The following AP1M2 variants were observed in gnomAD, a reference collection of about 807,000 sequenced individuals.
The protein encoded by AP1M2 is adaptor related protein complex 1 subunit mu 2.
A neutral mutation model predicts 54.6 loss-of-function variants in AP1M2; 41 were observed. The observed-to-expected ratio is 0.75, with a 90% CI of 0.59 to 0.97. The LOEUF is 0.97. Among genes scored for constraint, AP1M2 ranks in the 50% least tolerant of loss-of-function variants. AP1M2 has a pLI of 0.00. For missense variants in AP1M2, 507 were observed against 561.2 expected (o/e 0.90, Z 0.98); for synonymous variants, 219 against 215.9 (o/e 1.01, Z -0.13).
intron 3 of AP1M2, 150 bp downstream of exon 3, chr19:10,583,456 A>C (rs1917527199): frequency 1.7e-6 from 1 of 581,262 alleles, no homozygotes; most frequent in South Asian, 2.7e-5. Context: ...GCAATATAGC[A>C]AGACCCCATC....
intron 3 of AP1M2, among the ~76,000 whole-genome samples, chr19:10,582,979 C>T (rs557350541): frequency 2.0e-4 from 31 of 151,748 alleles, no homozygotes; most frequent in Admixed American, 1.8e-3. Flanking sequence ...GCAGGTGCCA[C>T]CATACCCGGC....
intron 11 of AP1M2, 25 bp from the exon 12 acceptor site, chr19:10,573,113 C>T (rs1917111873): frequency 1.3e-6 from 2 of 1,557,754 alleles, no homozygotes; most frequent in Non-Finnish European, 1.7e-6. Context: ...TGAGGAGGGG[C>T]CATCTCAGAA....
At chr19:10,585,574 G>A (rs145414963) in intron 1 of AP1M2, among the ~76,000 whole-genome samples, 9 of 151,988 alleles carry the variant, frequency 5.9e-5, no homozygotes, top group East Asian at 1.9e-4. Context: ...GCGCATGACC[G>A]TAATCCCAGC....
Position 10,581,186 on chromosome 19 carries a change from G to T in AP1M2, c.673+80C>A. On this transcript the variant is annotated intron_variant, in intron 6 of 11. Coordinates refer to ENST00000250244, the MANE Select transcript of AP1M2 (RefSeq NM_005498.5). ...GAGCGCTTATTTCAAAACGGGCTGC[G>T]ATTCTCTTAAGTCCCCACGTGGGGC... The T allele has an allele frequency of 2.0e-6, 3 of 1,515,264 alleles. No individual in the cohort carries two copies. In the Admixed American group the frequency reaches 6.5e-5, roughly 33 times the overall value. The allele number at this position is 1,515,264 out of a possible 1,614,324, so 93.9% of individuals were successfully genotyped here. A position where few individuals can be genotyped will look rare whatever the true frequency, so the allele number is the denominator to read the frequency against.
intron 1 of AP1M2, among the ~76,000 whole-genome samples, chr19:10,584,318 C>T (rs1334098950): frequency 3.3e-5 from 5 of 152,196 alleles, no homozygotes; most frequent in Non-Finnish European, 7.3e-5. Flanking sequence ...CAGTGGCTCA[C>T]GCCTGTGATC....
At chr19:10,578,471 G>T (rs1246648148) in intron 8 of AP1M2, among the ~76,000 whole-genome samples, 1 of 148,658 alleles carries the variant, frequency 6.7e-6, no homozygotes, top group African/African-American at 2.5e-5. Flanking sequence ...GACAGAGGGA[G>T]ACTCTTTCTC....
chr19:10,576,824 A>C (rs1917250639), intron 9 of AP1M2, among the ~76,000 whole-genome samples: 1 of 151,056 alleles, frequency 6.6e-6, no homozygotes, highest in South Asian at 2.1e-4. Flanking sequence ...CTCCTGCCTC[A>C]GTGTCCCGAG....
At chr19:10,578,039 A>T (rs1460600381) in intron 8 of AP1M2, among the ~76,000 whole-genome samples, 1 of 152,074 alleles carries the variant, frequency 6.6e-6, no homozygotes, top group Non-Finnish European at 1.5e-5. Flanking sequence ...CCCAGCCTGA[A>T]GGGGTCATTT....
intron 11 of AP1M2, among the ~76,000 whole-genome samples, chr19:10,574,078 A>C (rs894475716): frequency 4.6e-5 from 7 of 152,136 alleles, no homozygotes; most frequent in Non-Finnish European, 7.3e-5. Flanking sequence ...GCAGGAGTGC[A>C]GTGGCACGAT....
At chr19:10,585,283 A>AAAGAAAGAAAGAAAGAAGGAAGG (rs1568434699) in intron 1 of AP1M2, among the ~76,000 whole-genome samples, 4 of 104,570 alleles carry the variant, frequency 3.8e-5, no homozygotes, top group Admixed American at 9.6e-5. Flanking sequence ...AAAGAAGAAA[A>AAAGAAAGAAAGAAAGAAGGAAGG]AAAGAAAGAA....
rs189810980 is a variant in AP1M2 at position 10,586,606 on chromosome 19, C to A, written c.42+584G>T. 6.6e-5 allele frequency among the ~76,000 whole-genome samples: 10 copies of A among 152,188 alleles called. No homozygotes were observed. In the East Asian group the frequency reaches 1.9e-3, roughly 29 times the overall value. ...AATTAGCCAGGCATGGTGGCCTGCA[C>A]CTGTGTAGTCACAGCTACTCCGGAG... On this transcript the variant is annotated intron_variant, in intron 1 of 11. Coordinates refer to ENST00000250244, the MANE Select transcript of AP1M2 (RefSeq NM_005498.5).
chr19:10,577,207 C>T lies in AP1M2; in HGVS notation c.1038G>A (p.Lys346=), dbSNP rs1359291856. The change falls in exon 9 of 12, where the codon AAG becomes AAA. Residue 346 remains lysine (K), a synonymous_variant. Coordinates refer to ENST00000250244, the MANE Select transcript of AP1M2 (RefSeq NM_005498.5). ...AGTCCCTGGTACTTACCGGGAAAGA[C>T]TTAATACTCCAAATCACGACGTTTC... ...PERNVVIWSI[K]SFPGGKEYLM... The T allele has an allele frequency of 6.2e-7, 1 of 1,611,904 alleles. No individual in the cohort carries two copies. Among genetic ancestry groups the T allele is most frequent in the Non-Finnish European group, 8.5e-7 (1 of 1,179,074 alleles).
Position 10,585,289 on chromosome 19 carries a change from A to AGG in AP1M2, c.43-1220_43-1219insCC, listed in dbSNP as rs1917606753. Among the ~76,000 whole-genome samples the AGG allele has an allele frequency of 4.8e-5, 4 of 83,316 alleles. No homozygotes were observed. In the South Asian group the frequency reaches 1.5e-3, roughly 30 times the overall value. The allele number at this position is 83,316 out of a possible 152,430, so 54.7% of individuals were successfully genotyped here. ...GAAAGAAAGAAAGAAGAAAAAAAGA[A>AGG]AGAAAGAAAGAAAGAAAGAAAGAAA... On this transcript the variant is annotated intron_variant, in intron 1 of 11. Transcript: ENST00000250244.
At chr19:10,575,870 C>T (rs1356790502) in intron 9 of AP1M2, among the ~76,000 whole-genome samples, 1 of 146,160 alleles carries the variant, frequency 6.8e-6, no homozygotes, top group Non-Finnish European at 1.5e-5. Flanking sequence ...AGGTTCACGC[C>T]ATTCTCCTGC....
chr19:10,577,270 G>C lies in AP1M2; in HGVS notation c.975C>G (p.Phe325Leu), dbSNP rs1205488360. The change falls in exon 9 of 12, where the codon TTC (phenylalanine) becomes TTG (leucine). Residue 325 changes from phenylalanine (F) to leucine (L), a missense_variant. By Grantham distance (22) the Phe-to-Leu change is conservative (BLOSUM62 0). Coordinates refer to ENST00000250244, the MANE Select transcript of AP1M2 (RefSeq NM_005498.5). ...PVPSDADSPR[F>L]KTSVGSAKYV... is the part of the protein sequence containing the mutation. The stretch of plus-strand genomic sequence containing the variant: ...ACTTGGCGCTGCCCACACTGGTCTT[G>C]AATCTGGGGGAGTCGGCATCGCTGG... The C allele has an allele frequency of 6.2e-7, 1 of 1,613,056 alleles. No individual in the cohort carries two copies. Among genetic ancestry groups the C allele is most frequent in the African/African-American group, 1.3e-5 (1 of 74,864 alleles).
intron 7 of AP1M2, 50 bp from the exon 8 acceptor site, chr19:10,579,013 T>A (rs1321213988): frequency 8.4e-7 from 1 of 1,188,150 alleles, no homozygotes; most frequent in Non-Finnish European, 1.2e-6. Context: ...GTTGACTCTC[T>A]TCTTTTTTTT....
At chr19:10,585,112 G>A (rs1917585622) in intron 1 of AP1M2, 1 of 151,610 alleles carries the variant, frequency 6.6e-6, no homozygotes, top group Non-Finnish European at 1.5e-5. Flanking sequence ...CTACTCTGGA[G>A]GCTAAGGCAG....
chr19:10,585,284 A>AGG, intron 1 of AP1M2, among the ~76,000 whole-genome samples: 8 of 27,546 alleles, frequency 2.9e-4, no homozygotes, highest in African/African-American at 1.3e-3. Context: ...AAGAAGAAAA[A>AGG]AAGAAAGAAA....
chr19:10,578,865 G>A lies in AP1M2; in HGVS notation c.888+27C>T, dbSNP rs114842563. Reference sequence around the variant, plus strand: ...CCGCACCCACCCGAGATCATGCATTGTTAATAAGCATTCCCCCAAGGCCCA... The same window carrying A: ...CCGCACCCACCCGAGATCATGCATTATTAATAAGCATTCCCCCAAGGCCCA... On this transcript the variant is annotated intron_variant, in intron 8 of 11. Transcript: ENST00000250244. The A allele has an allele frequency of 4.0e-3, 6,408 of 1,589,900 alleles. 213 individuals are homozygous for A. In the African/African-American group the frequency reaches 0.078, roughly 19 times the overall value.
Sources: allele counts gnomAD v4.1 joint callset (sites outside exome capture counted in the v4.1 genomes callset), GRCh38; gene constraint gnomAD v4.1.1; transcripts MANE v1.5; gene names NCBI Gene and HGNC (gene_info 2026-07-23, HGNC 2026-07-21).